Variants in TMEM108 observed in about 807,000 individuals in gnomAD.
TMEM108 encodes transmembrane protein 108.
Under a neutral mutation model 35.1 loss-of-function variants are expected in TMEM108, and 12 were observed. That is an observed-to-expected ratio of 0.34 (90% CI 0.22 to 0.55). TMEM108 has a LOEUF of 0.55. Ranked by LOEUF, TMEM108 falls within the 20% of genes least tolerant of loss-of-function variation. The pLI, the probability that TMEM108 is intolerant of heterozygous loss-of-function variation, is 0.89. For missense variants in TMEM108, 680 were observed against 753.3 expected (o/e 0.90, Z 1.14); for synonymous variants, 287 against 308.6 (o/e 0.93, Z 0.73).
At chr3:133,358,864 C>T (rs2072259839) in intron 3 of TMEM108, among the ~76,000 whole-genome samples, 1 of 152,114 alleles carries the variant, frequency 6.6e-6, no homozygotes, top group African/African-American at 2.4e-5. Flanking sequence ...GATATGGGAG[C>T]ATGTAGGGAG....
intron 2 of TMEM108, among the ~76,000 whole-genome samples, chr3:133,215,365 T>TAAAAAA (rs35908719): frequency 7.4e-6 from 1 of 135,384 alleles, no homozygotes. Flanking sequence ...CATAAAAATG[T>TAAAAAA]AAAAAAAAAA....
chr3:133,041,808 TG>T (rs1943279858), intron 1 of TMEM108: 1 of 152,230 alleles, frequency 6.6e-6, no homozygotes, highest in South Asian at 2.1e-4. Context: ...CACACATGGA[TG>T]GGACTATGGA....
chr3:133,246,548 A>G (rs1576408960), intron 3 of TMEM108: 1 of 152,208 alleles, frequency 6.6e-6, no homozygotes, highest in African/African-American at 2.4e-5. Flanking sequence ...TGCAGTGCAC[A>G]GGTGCAGACA....
intron 2 of TMEM108, among the ~76,000 whole-genome samples, chr3:133,098,019 A>T (rs919038481): frequency 6.6e-6 from 1 of 152,212 alleles, no homozygotes; most frequent in Non-Finnish European, 1.5e-5. Context: ...GCCTGGATGG[A>T]TACTCACCAA....
At chr3:133,187,850 T>C (rs1945442295) in intron 2 of TMEM108, among the ~76,000 whole-genome samples, 1 of 139,350 alleles carries the variant, frequency 7.2e-6, no homozygotes, top group African/African-American at 2.8e-5. Context: ...TAGATTGCTT[T>C]AAACTTTATG....
intron 3 of TMEM108, among the ~76,000 whole-genome samples, chr3:133,279,925 A>G (rs1392353794): frequency 2.6e-5 from 4 of 152,256 alleles, no homozygotes; most frequent in African/African-American, 9.6e-5. Context: ...AGCTGGATGT[A>G]AAATATAATA....
At chr3:133,305,074 ACT>A (rs1449768738) in intron 3 of TMEM108, among the ~76,000 whole-genome samples, 1 of 151,974 alleles carries the variant, frequency 6.6e-6, no homozygotes, top group Non-Finnish European at 1.5e-5. Context: ...ACAGAGCGAG[ACT>A]CTGATTCAAA....
chr3:133,214,161 T>A (rs146053578), intron 2 of TMEM108, among the ~76,000 whole-genome samples: 2 of 152,322 alleles, frequency 1.3e-5, no homozygotes, highest in Non-Finnish European at 2.9e-5. Flanking sequence ...TTGACATGCC[T>A]TGTCTCCATC....
intron 3 of TMEM108, among the ~76,000 whole-genome samples, chr3:133,364,887 AG>A (rs930099183): frequency 9.9e-5 from 15 of 152,148 alleles, no homozygotes; most frequent in South Asian, 4.1e-4. Context: ...CGGATCAGGC[AG>A]GGGGGGAAGT....
At chr3:133,189,347 G>A (rs1258099163) in intron 2 of TMEM108, among the ~76,000 whole-genome samples, 1 of 152,162 alleles carries the variant, frequency 6.6e-6, no homozygotes, top group Non-Finnish European at 1.5e-5. Flanking sequence ...TATAAACATG[G>A]ACCCTCTTTA....
chr3:133,117,922 C>G (rs1944307339), intron 2 of TMEM108, among the ~76,000 whole-genome samples: 1 of 152,162 alleles, frequency 6.6e-6, no homozygotes, highest in African/African-American at 2.4e-5. Flanking sequence ...CCACAAAATT[C>G]TGTAGGTGTC....
intron 2 of TMEM108, among the ~76,000 whole-genome samples, chr3:133,202,246 C>T (rs912185921): frequency 6.6e-6 from 1 of 152,122 alleles, no homozygotes; most frequent in East Asian, 1.9e-4. Flanking sequence ...TGTAGGTTGC[C>T]TGTTCACTCT....
At chr3:133,301,634 A>G (rs142356292) in intron 3 of TMEM108, among the ~76,000 whole-genome samples, 352 of 152,300 alleles carry the variant, frequency 2.3e-3, no homozygotes, top group African/African-American at 7.7e-3. Flanking sequence ...TTAGGAGATA[A>G]AAGTGATTAT....
intron 3 of TMEM108, among the ~76,000 whole-genome samples, chr3:133,305,351 C>A (rs1947287120): frequency 8.8e-6 from 1 of 113,434 alleles, no homozygotes; most frequent in African/African-American, 3.6e-5. Flanking sequence ...ATATCACACT[C>A]TGGGGACTGT....
At chr3:133,175,609 G>A (rs1475718960) in intron 2 of TMEM108, among the ~76,000 whole-genome samples, 1 of 152,142 alleles carries the variant, frequency 6.6e-6, no homozygotes, top group Non-Finnish European at 1.5e-5. Context: ...ATACTTTACA[G>A]ACAAGCAAAT....
At chr3:133,349,304 T>G (rs1373118729) in intron 3 of TMEM108, among the ~76,000 whole-genome samples, 2 of 152,022 alleles carry the variant, frequency 1.3e-5, no homozygotes, top group Non-Finnish European at 2.9e-5. Context: ...TGGCACAATA[T>G]AAACACATGT....
At chr3:133,107,744 C>G (rs1944171668) in intron 2 of TMEM108, among the ~76,000 whole-genome samples, 1 of 152,088 alleles carries the variant, frequency 6.6e-6, no homozygotes, top group Admixed American at 6.6e-5. Context: ...TCTTGGGAGG[C>G]CTTTACCTGA....
chr3:133,154,412 T>C (rs1332815457), intron 2 of TMEM108, among the ~76,000 whole-genome samples: 1 of 152,182 alleles, frequency 6.6e-6, no homozygotes, highest in African/African-American at 2.4e-5. Context: ...CTAGGGTTTT[T>C]ATGGTTTTAG....
intron 2 of TMEM108, among the ~76,000 whole-genome samples, chr3:133,226,666 A>T (rs1387966396): frequency 6.6e-6 from 1 of 152,278 alleles, no homozygotes; most frequent in East Asian, 1.9e-4. Context: ...CCCTTGGCTG[A>T]GAGGAGGGAG....
Sources: allele counts gnomAD v4.1 joint callset (sites outside exome capture counted in the v4.1 genomes callset), GRCh38; gene constraint gnomAD v4.1.1; transcripts MANE v1.5; gene names NCBI Gene and HGNC (gene_info 2026-07-23, HGNC 2026-07-21).